PRAMEF20: variants seen among roughly 807,000 people sequenced by gnomAD.
PRAMEF20 encodes the protein PRAME family member 20/21.
PRAMEF20 carries 27 observed loss-of-function variants against 32.4 expected under a neutral mutation model. The observed-to-expected ratio is 0.83, with a 90% CI of 0.61 to 1.15. The LOEUF is 1.15. PRAMEF20 is among the 50% of genes most tolerant of loss of function. The pLI is 0.00. For synonymous variants in PRAMEF20, 256 were observed against 235.4 expected (o/e 1.09, Z -0.80); for missense variants, 604 against 584.5 (o/e 1.03, Z -0.34).
chr1:13,415,796 G>C (rs1376168149), upstream of PRAMEF20, among the ~76,000 whole-genome samples: 1 of 29,740 alleles, frequency 3.4e-5, no homozygotes, highest in Middle Eastern at 0.018. Flanking sequence ...GCAAAAAAAA[G>C]AACAAAGGGA....
At chr1:13,416,340 T>C (rs1339681016), upstream of PRAMEF20, 4 of 1,612,172 alleles carry the variant, frequency 2.5e-6, no homozygotes, top group African/African-American at 5.3e-5. Flanking sequence ...AACTTTTCTT[T>C]GCAGATTCAG....
In PRAMEF20 at chr1:13,416,544, CT is replaced by C; in HGVS notation, c.192del (p.Pro65LeufsTer5). ...GGTGCAGGCCTGGCCTTTCCTCCGC[CT>C]TCCTCTGGGGTCTCTGATGAAAAGG... On this transcript the variant is annotated frameshift_variant, in exon 1 of 3. Coordinates refer to ENST00000602960, the Ensembl canonical transcript of PRAMEF20. LOFTEE classifies it high-confidence loss of function. The C allele has an allele frequency of 1.9e-6, 3 of 1,614,196 alleles. No individual in the cohort carries two copies. The highest frequency in any genetic ancestry group is 2.5e-6 in the Non-Finnish European group (3 of 1,180,038).
upstream of PRAMEF20, among the ~76,000 whole-genome samples, chr1:13,414,745 G>A (rs562988933): frequency 6.4e-3 from 974 of 151,902 alleles, 7 homozygotes; most frequent in Non-Finnish European, 9.5e-3. Context: ...GATAACAGGT[G>A]TGAACCACCG....
At chr1:13,417,910 T>TTGTGTGTATGTGTGTGTGTGTG (rs1641197994) in intron 1 of PRAMEF20, among the ~76,000 whole-genome samples, 1 of 124,218 alleles carries the variant, frequency 8.1e-6, no homozygotes, top group Non-Finnish European at 1.7e-5. Context: ...CCCGGCTAAT[T>TTGTGTGTATGTGTGTGTGTGTG]TGTGTGTGTG....
chr1:13,420,063 G>A (rs1641226526), intron 2 of PRAMEF20, among the ~76,000 whole-genome samples: 1 of 152,160 alleles, frequency 6.6e-6, no homozygotes, highest in Admixed American at 6.5e-5. Context: ...GCCTGGGTTT[G>A]TCCTTTATGC....
chr1:13,418,635 C>T (rs1641209830), exon 2 of PRAMEF20: 3 of 1,613,900 alleles, frequency 1.9e-6, no homozygotes, highest in East Asian at 2.2e-5. Context: ...TCAAGCTGCG[C>T]TGCCTCCAAA....
At chr1:13,415,154 A>T (rs1641156315), upstream of PRAMEF20, among the ~76,000 whole-genome samples, 1 of 151,040 alleles carries the variant, frequency 6.6e-6, no homozygotes, top group Non-Finnish European at 1.5e-5. Flanking sequence ...ATCTCAGCTC[A>T]CTGTAACCTC....
exon 1 of PRAMEF20, chr1:13,416,354 G>A (rs960668078): frequency 2.5e-6 from 4 of 1,612,488 alleles, no homozygotes; most frequent in Non-Finnish European, 3.4e-6. Context: ...GATTCAGGAA[G>A]ATGAGCATCC....
At chr1:13,412,032 TTTTA>T (rs1387697306), upstream of PRAMEF20, among the ~76,000 whole-genome samples, 40,632 of 149,582 alleles carry the variant, frequency 0.27, 6,278 homozygotes, top group African/African-American at 0.43. Flanking sequence ...ATTTAATTTA[TTTTA>T]TTTATTTATT....
chr1:13,416,519 G>C, exon 1 of PRAMEF20: 1 of 1,614,184 alleles, frequency 6.2e-7, no homozygotes, highest in East Asian at 2.2e-5. Context: ...TGAAGCTGAT[G>C]GTGCAGGCCT....
chr1:13,413,482 A>C (rs1333771963), upstream of PRAMEF20, among the ~76,000 whole-genome samples: 1 of 152,072 alleles, frequency 6.6e-6, no homozygotes, highest in African/African-American at 2.4e-5. Flanking sequence ...CTCCTGCCTC[A>C]GCCTCCCTAG....
At chr1:13,414,808 T>TAG (rs1485762694), upstream of PRAMEF20, among the ~76,000 whole-genome samples, 5 of 151,088 alleles carry the variant, frequency 3.3e-5, no homozygotes, top group Admixed American at 6.6e-5. Flanking sequence ...TATATATATA[T>TAG]AGAGAGAGAG....
upstream of PRAMEF20, among the ~76,000 whole-genome samples, chr1:13,412,532 C>T (rs1337932872): frequency 1.3e-5 from 2 of 152,040 alleles, no homozygotes; most frequent in East Asian, 3.9e-4. Context: ...TTCAAGATCC[C>T]CAAACAGATC....
At chr1:13,410,829 G>T in the PRAMEF20 span, among the ~76,000 whole-genome samples, 1 of 151,420 alleles carries the variant, frequency 6.6e-6, no homozygotes. Flanking sequence ...GACCAATCTG[G>T]GCAACATGGC....
At chr1:13,417,951 T>TGTGTGTGTGTGTGTGTGTGTGTGTGTGC (rs1557476949) in intron 1 of PRAMEF20, among the ~76,000 whole-genome samples, 171 bp from the exon 3 acceptor site, 12 of 147,642 alleles carry the variant, frequency 8.1e-5, no homozygotes, top group African/African-American at 2.8e-4. Context: ...TGTGTGTGTG[T>TGTGTGTGTGTGTGTGTGTGTGTGTGTGC]GTTTAGTAGA....
chr1:13,418,383 G>A, exon 2 of PRAMEF20: 1 of 1,613,890 alleles, frequency 6.2e-7, no homozygotes, highest in Non-Finnish European at 8.5e-7. Context: ...TGTGCTGTAA[G>A]AAGCTGAAAA....
At chr1:13,414,207 AATT>A (rs1641139738), upstream of PRAMEF20, among the ~76,000 whole-genome samples, 2 of 109,078 alleles carry the variant, frequency 1.8e-5, no homozygotes, top group African/African-American at 8.5e-5. Flanking sequence ...ACACCTGACT[AATT>A]TTTTTTTTTT....
chr1:13,412,989 T>C (rs1641128156), upstream of PRAMEF20, among the ~76,000 whole-genome samples: 1 of 152,172 alleles, frequency 6.6e-6, no homozygotes, highest in African/African-American at 2.4e-5. Flanking sequence ...CATGATGATT[T>C]CTATTGTGTT....
chr1:13,417,300 T>A (rs1249382071), intron 1 of PRAMEF20, among the ~76,000 whole-genome samples: 1 of 152,094 alleles, frequency 6.6e-6, no homozygotes, highest in African/African-American at 2.4e-5. Context: ...TTTAGAATCC[T>A]GCTGATTGGT....
Sources: allele counts gnomAD v4.1 joint callset (sites outside exome capture counted in the v4.1 genomes callset), GRCh38; gene constraint gnomAD v4.1.1; transcripts MANE v1.5; gene names NCBI Gene and HGNC (gene_info 2026-07-23, HGNC 2026-07-21).